Variants in TAOK3 observed in about 807,000 individuals in gnomAD.
TAOK3 encodes the protein serine/threonine-protein kinase TAO3.
A neutral mutation model predicts 120.4 loss-of-function variants in TAOK3; 40 were observed. The observed-to-expected ratio is 0.33, with a 90% CI of 0.26 to 0.43. TAOK3 has a LOEUF of 0.43. TAOK3 is among the 20% of genes least tolerant of loss of function. The pLI is 1.00. For synonymous variants in TAOK3, 355 were observed against 387.5 expected, an observed-to-expected ratio of 0.92 and a Z score of 0.99; for missense variants, 821 against 1,112.1, an observed-to-expected ratio of 0.74 and a Z score of 3.72.
chr12:118,212,830 T>G (rs1019000788), intron 11 of TAOK3, 84 bp downstream of exon 11: 1,049 of 926,096 alleles, frequency 1.1e-3, no homozygotes, highest in Non-Finnish European at 1.5e-3. Flanking sequence ...TTTGTCATGA[T>G]GAGCTGCCAC....
intron 19 of TAOK3, among the ~76,000 whole-genome samples, chr12:118,155,513 A>G (rs765361943): frequency 1.3e-5 from 2 of 152,216 alleles, no homozygotes; most frequent in African/African-American, 2.4e-5. Flanking sequence ...CAGGTAAATT[A>G]GGGTCAAAAC....
chr12:118,333,784 T>A (rs1231680579), intron 1 of TAOK3, among the ~76,000 whole-genome samples: 1 of 150,926 alleles, frequency 6.6e-6, no homozygotes, highest in African/African-American at 2.4e-5. Flanking sequence ...CCTCAAAAAA[T>A]TAAAAATAGA....
At chr12:118,168,493 T>C (rs1413660890) in intron 17 of TAOK3, among the ~76,000 whole-genome samples, 1 of 152,222 alleles carries the variant, frequency 6.6e-6, no homozygotes, top group Admixed American at 6.5e-5. Flanking sequence ...TATATGTTGA[T>C]ATCTCAATAA....
intron 11 of TAOK3, among the ~76,000 whole-genome samples, chr12:118,203,795 G>A (rs1254291194): frequency 1.3e-5 from 2 of 151,818 alleles, no homozygotes; most frequent in Admixed American, 1.3e-4. Flanking sequence ...GCTTTTGTAA[G>A]TTCTCTGACA....
At chr12:118,202,497 A>C (rs1292758678) in intron 11 of TAOK3, among the ~76,000 whole-genome samples, 1 of 152,088 alleles carries the variant, frequency 6.6e-6, no homozygotes, top group Non-Finnish European at 1.5e-5. Flanking sequence ...GTATATAAGG[A>C]TTCCCTTTTC....
At chr12:118,211,354 G>A (rs1473863614) in intron 11 of TAOK3, among the ~76,000 whole-genome samples, 1 of 152,070 alleles carries the variant, frequency 6.6e-6, no homozygotes, top group Non-Finnish European at 1.5e-5. Context: ...TCTTCCAAAT[G>A]TATCATTTTC....
chr12:118,258,319 G>A (rs911898796), intron 2 of TAOK3, among the ~76,000 whole-genome samples: 2 of 152,116 alleles, frequency 1.3e-5, no homozygotes, highest in Non-Finnish European at 2.9e-5. Context: ...GCCAATCCAT[G>A]GATGCCAATA....
At chr12:118,191,570 C>T (rs930055951) in intron 13 of TAOK3, among the ~76,000 whole-genome samples, 6 of 152,102 alleles carry the variant, frequency 3.9e-5, no homozygotes, top group African/African-American at 1.4e-4. Context: ...ATATTGGTGG[C>T]TTATAAAACT....
At chr12:118,196,891 A>G (rs1340953089) in intron 13 of TAOK3, among the ~76,000 whole-genome samples, 2 of 152,362 alleles carry the variant, frequency 1.3e-5, no homozygotes, top group East Asian at 3.9e-4. Context: ...TGTCCAAAGT[A>G]AAATAAAACT....
At chr12:118,286,463 T>C (rs995814196) in intron 1 of TAOK3, among the ~76,000 whole-genome samples, 9 of 150,652 alleles carry the variant, frequency 6.0e-5, no homozygotes, top group African/African-American at 2.0e-4. Context: ...CCAACAAACA[T>C]ATGAAAAAAT....
intron 1 of TAOK3, among the ~76,000 whole-genome samples, chr12:118,315,148 C>A (rs568610719): frequency 9.2e-5 from 14 of 152,238 alleles, no homozygotes; most frequent in Middle Eastern, 3.4e-3. Flanking sequence ...TCATGGTGAA[C>A]TCCTGACCTC....
chr12:118,237,735 A>T (rs1488354072), intron 7 of TAOK3, among the ~76,000 whole-genome samples: 2 of 152,212 alleles, frequency 1.3e-5, no homozygotes, highest in Non-Finnish European at 2.9e-5. Flanking sequence ...TAACTCTGCT[A>T]ACAGATAAAT....
chr12:118,298,485 A>G (rs981512387), intron 1 of TAOK3, among the ~76,000 whole-genome samples: 20 of 152,230 alleles, frequency 1.3e-4, no homozygotes, highest in Admixed American at 6.5e-5. Context: ...ATAAACACTC[A>G]TATAGACAAA....
At chr12:118,188,003 G>A (rs1044402942) in intron 14 of TAOK3, among the ~76,000 whole-genome samples, 6 of 152,160 alleles carry the variant, frequency 3.9e-5, no homozygotes, top group African/African-American at 1.4e-4. Flanking sequence ...GCGAGCATGA[G>A]ATTATTCTGG....
intron 1 of TAOK3, among the ~76,000 whole-genome samples, chr12:118,349,210 A>G (rs1013699956): frequency 2.8e-4 from 42 of 152,312 alleles, no homozygotes; most frequent in African/African-American, 9.9e-4. Flanking sequence ...ATTTCAAAGC[A>G]TTTTCATTTT....
At chr12:118,173,382 G>T (rs2036125863) in intron 16 of TAOK3, among the ~76,000 whole-genome samples, 1 of 152,314 alleles carries the variant, frequency 6.6e-6, no homozygotes. Flanking sequence ...TTTCATGCAT[G>T]TGAGAGTGTC....
At chr12:118,234,958 T>C (rs998294862) in intron 8 of TAOK3, among the ~76,000 whole-genome samples, 1 of 152,186 alleles carries the variant, frequency 6.6e-6, no homozygotes, top group African/African-American at 2.4e-5. Context: ...TATTTGGTGA[T>C]AGAAAAAAAT....
intron 2 of TAOK3, among the ~76,000 whole-genome samples, chr12:118,259,171 C>T (rs1289200235): frequency 6.6e-6 from 1 of 152,112 alleles, no homozygotes; most frequent in Non-Finnish European, 1.5e-5. Context: ...TTATCTTAAA[C>T]ATGTAATGAA....
chr12:118,152,450 T>A, intron 19 of TAOK3, 41 bp from the exon 20 acceptor site: 1 of 1,562,068 alleles, frequency 6.4e-7, no homozygotes, highest in South Asian at 1.2e-5. Context: ...CACCCTTGCC[T>A]ACAGCCCTTG....
Sources: gnomAD v4.1 joint callset for allele counts (sites outside exome capture counted in the v4.1 genomes callset) on GRCh38, gnomAD v4.1.1 for gene constraint, MANE v1.5 for transcripts, NCBI Gene and HGNC (gene_info 2026-07-23, HGNC 2026-07-21) for gene names.